OTOGL: variants seen among roughly 807,000 people sequenced by gnomAD.
OTOGL encodes the protein otogelin-like protein.
In OTOGL, 285 loss-of-function variants were observed where a neutral mutation model predicts 318.5. The ratio of observed to expected loss-of-function variants is 0.89; its 90% CI spans 0.81 to 0.99. The LOEUF (loss-of-function observed/expected upper bound fraction) is 0.99, where lower values mean the gene tolerates loss of function less well. Among genes scored for constraint, OTOGL ranks in the 50% least tolerant of loss-of-function variants. OTOGL has a pLI of 0.00. For missense variants in OTOGL, 2,899 were observed against 2,845.6 expected (o/e 1.02, Z -0.43); for synonymous variants, 987 against 936.5 (o/e 1.05, Z -0.99).
At chr12:80,128,634 A>T (rs1871021566) in intron 1 of OTOGL, among the ~76,000 whole-genome samples, 1 of 152,192 alleles carries the variant, frequency 6.6e-6, no homozygotes, top group South Asian at 2.1e-4. Flanking sequence ...CCCTGCCCAC[A>T]GAGGTGGAGT....
chr12:80,275,121 G>T (rs947037046), intron 24 of OTOGL, among the ~76,000 whole-genome samples: 20 of 151,872 alleles, frequency 1.3e-4, no homozygotes, highest in Non-Finnish European at 1.8e-4. Flanking sequence ...ATTTCACAGG[G>T]CTATACCTGC....
At chr12:80,255,901 T>C (rs1241792261) in intron 16 of OTOGL, among the ~76,000 whole-genome samples, 2 of 151,968 alleles carry the variant, frequency 1.3e-5, no homozygotes, top group Non-Finnish European at 2.9e-5. Flanking sequence ...GAGTCTGAAT[T>C]AACTTTCTGT....
At chr12:80,156,144 A>G (rs1056645077) in intron 1 of OTOGL, among the ~76,000 whole-genome samples, 1 of 152,238 alleles carries the variant, frequency 6.6e-6, no homozygotes, top group African/African-American at 2.4e-5. Flanking sequence ...GGCAGACCCT[A>G]TCCTCAATCT....
At chr12:80,252,009 T>C in intron 12 of OTOGL, 67 bp from the exon 13 acceptor site, 1 of 1,394,426 alleles carries the variant, frequency 7.2e-7, no homozygotes, top group South Asian at 1.7e-5. Flanking sequence ...AAAAATAAAA[T>C]TATAATTTTA....
At chr12:80,154,947 T>C (rs1873021284) in intron 1 of OTOGL, among the ~76,000 whole-genome samples, 1 of 152,246 alleles carries the variant, frequency 6.6e-6, no homozygotes. Context: ...GCATTTGATA[T>C]TGTCAGTGTT....
chr12:80,333,137 T>C lies in OTOGL; in HGVS notation c.4422+59T>C, dbSNP rs149061758. On this transcript the variant is annotated intron_variant, in intron 38 of 58. Transcript: ENST00000547103. ...ATTTCCATATATCATCCATTCAAAT[T>C]TCTGTGTCAATATCCAAATGCTACT... 9.6e-5 allele frequency: 140 copies of C among 1,452,720 alleles called. No individual in the cohort carries two copies. In the Middle Eastern group the frequency reaches 1.9e-3, roughly 20 times the overall value. The allele number at this position is 1,452,720 out of a possible 1,614,324, so 90.0% of individuals were successfully genotyped here. A position where few individuals can be genotyped will look rare whatever the true frequency, so the allele number is the denominator to read the frequency against.
chr12:80,185,290 A>AT (rs201693808), intron 1 of OTOGL, among the ~76,000 whole-genome samples: 1,806 of 150,308 alleles, frequency 0.012, 25 homozygotes, highest in African/African-American at 0.042. Context: ...TTATAAATTA[A>AT]TTTTTTTTTT....
chr12:80,267,299 G>A lies in OTOGL; in HGVS notation c.2437G>A (p.Glu813Lys). 6.4e-7 allele frequency: 1 copy of A among 1,564,070 alleles called. No individual in the cohort carries two copies. Among genetic ancestry groups the A allele is most frequent in the South Asian group, 1.2e-5 (1 of 86,580 alleles). The change falls in exon 22 of 59, where the codon GAG becomes AAG. Residue 813 changes from glutamate to lysine, a missense_variant. By Grantham distance (56) the Glu-to-Lys change is moderately conservative. Transcript: ENST00000547103. ...TAGGGGCAGTGTTTATCAACCTGGA[G>A]AGCTCATCCCCACACCCTCGGGCTT... The part of the protein sequence containing the change: ...HYRGSVYQPG[E>K]LIPTPSGLCQ...
chr12:80,358,629 C>A, intron 50 of OTOGL, 42 bp from the exon 51 acceptor site: 1 of 1,455,710 alleles, frequency 6.9e-7, no homozygotes, highest in Non-Finnish European at 9.5e-7. Flanking sequence ...GAAATGGCAA[C>A]TCTATAAAAT....
Position 80,228,455 on chromosome 12 carries a change from A to G in OTOGL, c.490-802A>G, listed in dbSNP as rs115192328. On this transcript the variant is annotated intron_variant, in intron 7 of 58. Transcript: ENST00000547103. ...AGGCTCTATCTCAAAAAACAAACAA[A>G]CAAACAAAAACAAACAAAAAAAACC... 6.4e-3 allele frequency among the ~76,000 whole-genome samples: 971 copies of G among 152,052 alleles called. 14 individuals carry two copies. The highest frequency in any genetic ancestry group is 0.022 in the African/African-American group (921 of 41,452).
chr12:80,371,597 T>A (rs546173522), intron 56 of OTOGL, among the ~76,000 whole-genome samples: 2 of 152,222 alleles, frequency 1.3e-5, no homozygotes, highest in East Asian at 3.9e-4. Context: ...TCATAAAAAC[T>A]ATCAAAGAAA....
At chr12:80,173,553 G>A (rs1453002225) in intron 1 of OTOGL, among the ~76,000 whole-genome samples, 1 of 152,106 alleles carries the variant, frequency 6.6e-6, no homozygotes, top group African/African-American at 2.4e-5. Flanking sequence ...GTAGGTTTTG[G>A]CCAGGTTCTT....
chr12:80,232,316 C>T (rs914428710), intron 8 of OTOGL, among the ~76,000 whole-genome samples: 3 of 151,964 alleles, frequency 2.0e-5, no homozygotes, highest in Non-Finnish European at 2.9e-5. Flanking sequence ...AGTTATAATA[C>T]GTCATCCTTT....
At chr12:80,228,824 G>A (rs1422864447) in intron 7 of OTOGL, among the ~76,000 whole-genome samples, 2 of 151,288 alleles carry the variant, frequency 1.3e-5, no homozygotes, top group Non-Finnish European at 2.9e-5. Flanking sequence ...TTTATTTTTA[G>A]TGAGTTCATG....
At chr12:80,331,333 A>ATTTTTTTTTTT (rs386377119) in intron 37 of OTOGL, among the ~76,000 whole-genome samples, 1 of 81,816 alleles carries the variant, frequency 1.2e-5, no homozygotes, top group African/African-American at 4.8e-5. Context: ...AGTCATTAGA[A>ATTTTTTTTTTT]TTTTTTTTTT....
chr12:80,115,025 A>G (rs375389963), intron 1 of OTOGL, among the ~76,000 whole-genome samples: 8 of 151,900 alleles, frequency 5.3e-5, no homozygotes, highest in African/African-American at 1.9e-4. Context: ...CAAGGTTCTT[A>G]GCTTCCTTGC....
chr12:80,297,106 A>C, intron 27 of OTOGL, 145 bp downstream of exon 27: 2 of 710,692 alleles, frequency 2.8e-6, no homozygotes, highest in South Asian at 7.7e-5. Context: ...GCTTCAGTAC[A>C]TTGTGCTTGA....
intron 1 of OTOGL, among the ~76,000 whole-genome samples, chr12:80,169,898 C>T (rs1874075431): frequency 6.6e-6 from 1 of 152,114 alleles, no homozygotes; most frequent in Non-Finnish European, 1.5e-5. Flanking sequence ...CCAAAATTTT[C>T]TTATCCATTC....
chr12:80,237,502 G>A (rs1424433330), intron 9 of OTOGL, among the ~76,000 whole-genome samples: 1 of 152,170 alleles, frequency 6.6e-6, no homozygotes, highest in Non-Finnish European at 1.5e-5. Context: ...TTTTAGGAAA[G>A]AGTGGTTTTG....
Sources: allele counts gnomAD v4.1 joint callset (sites outside exome capture counted in the v4.1 genomes callset), GRCh38; gene constraint gnomAD v4.1.1; transcripts MANE v1.5; gene names NCBI Gene and HGNC (gene_info 2026-07-23, HGNC 2026-07-21).